The following METTL24 variants were observed in gnomAD, a reference collection of about 807,000 sequenced individuals.
METTL24 encodes the protein methyltransferase like 24.
METTL24 carries 29 observed loss-of-function variants against 32.7 expected under a neutral mutation model. That is an observed-to-expected ratio of 0.89 (90% CI 0.66 to 1.21). The LOEUF (loss-of-function observed/expected upper bound fraction) is 1.21, where lower values mean the gene tolerates loss of function less well. METTL24 is among the 50% of genes most tolerant of loss of function. METTL24 has a pLI of 0.00. For synonymous variants in METTL24, 163 were observed against 179.5 expected (o/e 0.91, Z 0.73); for missense variants, 439 against 468.1 (o/e 0.94, Z 0.57).
chr6:110,335,566 GTTTT>G (rs527344096), intron 1 of METTL24, among the ~76,000 whole-genome samples: 6,199 of 65,870 alleles, frequency 0.094, 52 homozygotes, highest in Non-Finnish European at 0.11. Flanking sequence ...GGGAATCATT[GTTTT>G]TTTTTTTTTT....
rs368338080 is a variant in METTL24, at chr6:110,318,687, G to C, written c.418-3206C>G. Among the ~76,000 whole-genome samples, 3 of 145,888 alleles carry C rather than the reference G, an allele frequency of 2.1e-5. No individual in the cohort carries two copies. The East Asian group carries it at 6.0e-4, about 29-fold the overall frequency. On this transcript the variant is annotated intron_variant, in intron 2 of 4. Transcript: ENST00000338882. ...AAAAAAAAGAAAGAAAGAAAGAAAA[G>C]AAAAGAAATAAAACACAAAAATTAT... is the stretch of plus-strand genomic sequence containing the variant.
chr6:110,348,804 C>T (rs753599903), intron 1 of METTL24, among the ~76,000 whole-genome samples: 3 of 152,198 alleles, frequency 2.0e-5, no homozygotes, highest in Admixed American at 6.5e-5. Flanking sequence ...AAATAATTTG[C>T]TTTATTCCAC....
At chr6:110,356,121 G>A (rs1772692089) in intron 1 of METTL24, among the ~76,000 whole-genome samples, 1 of 152,152 alleles carries the variant, frequency 6.6e-6, no homozygotes, top group African/African-American at 2.4e-5. Flanking sequence ...CATCCAGAGG[G>A]GAATAAAAGA....
intron 4 of METTL24, among the ~76,000 whole-genome samples, chr6:110,259,208 C>T (rs999998896): frequency 5.3e-5 from 8 of 152,188 alleles, no homozygotes; most frequent in Admixed American, 4.6e-4. Context: ...AGGGAATTCC[C>T]TTTCCTAGCC....
chr6:110,295,462 A>G lies in METTL24; in HGVS notation c.786+3460T>C, dbSNP rs568375875. 2.0e-5 allele frequency among the ~76,000 whole-genome samples: 3 copies of G among 152,340 alleles called. No individual in the cohort carries two copies. In the East Asian group the frequency reaches 5.8e-4, roughly 29 times the overall value. ...AAGGAAGACACAGTTCCCTGAGCTG[A>G]CAGGCAGGGAGGCCAGCTCCCCCAG... On this transcript the variant is annotated intron_variant, in intron 4 of 4. Transcript: ENST00000338882.
intron 1 of METTL24, chr6:110,357,302 G>A (rs1772717471): frequency 6.6e-6 from 1 of 152,170 alleles, no homozygotes; most frequent in Non-Finnish European, 1.5e-5. Flanking sequence ...GGCACAACAC[G>A]GTCGAGAGTT....
rs562042358 is a variant in METTL24 at position 110,350,981 on chromosome 6, G to A, written c.318+6974C>T. ...AAATTAGCTGGGCGTGGTGGCAGGC[G>A]CCTGTAATCCCAGCTACTTGGGAGG... On this transcript the variant is annotated intron_variant, in intron 1 of 4. Transcript: ENST00000338882. 2.2e-4 allele frequency among the ~76,000 whole-genome samples: 33 copies of A among 151,986 alleles called. 1 individual carries two copies. In the South Asian group the frequency reaches 5.4e-3, roughly 25 times the overall value.
chr6:110,357,928 C>CCCA, intron 1 of METTL24, 27 bp downstream of exon 1: 1 of 1,201,810 alleles, frequency 8.3e-7, no homozygotes, highest in East Asian at 3.4e-5. Flanking sequence ...TGGTCCCAGG[C>CCCA]CCAAGACCGA....
chr6:110,344,283 T>G (rs1319692477), intron 1 of METTL24, among the ~76,000 whole-genome samples: 1 of 152,172 alleles, frequency 6.6e-6, no homozygotes, highest in Non-Finnish European at 1.5e-5. Context: ...GTTCTCATGC[T>G]GCAGATGAAA....
chr6:110,287,027 T>C (rs1357862723), intron 4 of METTL24, among the ~76,000 whole-genome samples: 1 of 152,172 alleles, frequency 6.6e-6, no homozygotes, highest in Non-Finnish European at 1.5e-5. Flanking sequence ...ATCTATTCCA[T>C]TGGCTCTGTC....
At chr6:110,265,941 A>G (rs1050109528) in intron 4 of METTL24, among the ~76,000 whole-genome samples, 2 of 149,550 alleles carry the variant, frequency 1.3e-5, no homozygotes, top group Admixed American at 1.4e-4. Flanking sequence ...TGCTCTGCCA[A>G]CCAGGCTGGA....
Position 110,348,756 on chromosome 6 carries a change from G to C in METTL24, c.318+9199C>G, listed in dbSNP as rs942483225. Among the ~76,000 whole-genome samples, 29 of 152,136 alleles carry C rather than the reference G, an allele frequency of 1.9e-4. 1 individual carries two copies. ...TTGGAGTCTGATTCATCTCATCAGA[G>C]GCCTTTGGCCCACTTACACTCATGG... On this transcript the variant is annotated intron_variant, in intron 1 of 4. Coordinates refer to ENST00000338882, the MANE Select transcript of METTL24 (RefSeq NM_001123364.3).
intron 4 of METTL24, among the ~76,000 whole-genome samples, chr6:110,261,300 A>AACAAAAGACT (rs1554211342): frequency 3.3e-5 from 5 of 150,546 alleles, no homozygotes; most frequent in Non-Finnish European, 7.4e-5. Flanking sequence ...AAAACAAAAA[A>AACAAAAGACT]AGGCAGGGTT....
intron 2 of METTL24, among the ~76,000 whole-genome samples, chr6:110,321,161 T>A (rs959821848): frequency 4.6e-5 from 7 of 152,056 alleles, no homozygotes; most frequent in Non-Finnish European, 8.8e-5. Flanking sequence ...CACTTGAACC[T>A]GGGAGGCAGA....
At chr6:110,276,887 G>A (rs1315452406) in intron 4 of METTL24, among the ~76,000 whole-genome samples, 1 of 152,042 alleles carries the variant, frequency 6.6e-6, no homozygotes, top group African/African-American at 2.4e-5. Context: ...AGGGCAAAAA[G>A]AACAAGGGAA....
rs980326712 is a variant in METTL24 at position 110,243,988 on chromosome 6, G to A, written c.*1958C>T. ...AATAGAATTTTAGAAAATTATGCAC[G>A]TGTTTAATCCTGTAAATAGTAATGA... On this transcript the variant is annotated 3_prime_UTR_variant, in exon 5 of 5. Coordinates refer to ENST00000338882, the MANE Select transcript of METTL24 (RefSeq NM_001123364.3). Among the ~76,000 whole-genome samples, 21 of 152,228 alleles carry A rather than the reference G, an allele frequency of 1.4e-4. No homozygotes were observed. Among genetic ancestry groups the A allele is most frequent in the African/African-American group, 3.4e-4 (14 of 41,532 alleles).
intron 2 of METTL24, among the ~76,000 whole-genome samples, chr6:110,316,415 C>T (rs1771820310): frequency 6.6e-6 from 1 of 152,198 alleles, no homozygotes. Flanking sequence ...AAGATATTTA[C>T]CTTACTGAGC....
chr6:110,334,784 A>C (rs1402700739), intron 1 of METTL24, among the ~76,000 whole-genome samples: 1 of 152,128 alleles, frequency 6.6e-6, no homozygotes, highest in Non-Finnish European at 1.5e-5. Context: ...TGTCATTTTC[A>C]TATTGTTCAT....
At chr6:110,308,394 A>C (rs1295796391) in intron 3 of METTL24, among the ~76,000 whole-genome samples, 3 of 152,142 alleles carry the variant, frequency 2.0e-5, no homozygotes, top group Non-Finnish European at 2.9e-5. Context: ...GGAACAAAAA[A>C]CTCACAACAT....
Sources: gnomAD v4.1 joint callset for allele counts (sites outside exome capture counted in the v4.1 genomes callset) on GRCh38, gnomAD v4.1.1 for gene constraint, MANE v1.5 for transcripts, NCBI Gene and HGNC (gene_info 2026-07-23, HGNC 2026-07-21) for gene names.